ITPR1: variants seen among roughly 807,000 people sequenced by gnomAD.
The protein encoded by ITPR1 is inositol 1,4,5-trisphosphate-gated calcium channel ITPR1.
In ITPR1, 96 loss-of-function variants were observed where a neutral mutation model predicts 318.4. The observed-to-expected ratio is 0.30, with a 90% CI of 0.26 to 0.36. The LOEUF is 0.36. Ranked by LOEUF, ITPR1 falls within the 10% of genes least tolerant of loss-of-function variation. The pLI is 1.00. For missense variants in ITPR1, 2,440 were observed against 3,460.2 expected (o/e 0.71, Z 7.40); for synonymous variants, 1,312 against 1,289.9 (o/e 1.02, Z -0.37).
At chr3:4,711,982 AAAAG>A (rs528816144) in intron 39 of ITPR1, 114 bp downstream of exon 39, 149 of 526,186 alleles carry the variant, frequency 2.8e-4, no homozygotes, top group South Asian at 5.3e-4. Flanking sequence ...AGCTTTTTTT[AAAAG>A]AAAGAAAGAA....
chr3:4,796,085 C>T (rs1484049712), intron 53 of ITPR1, among the ~76,000 whole-genome samples: 1 of 152,172 alleles, frequency 6.6e-6, no homozygotes, highest in East Asian at 1.9e-4. Context: ...AGGCTCCACT[C>T]TTTAGCTTAA....
At chr3:4,828,164 C>T (rs531950340) in intron 60 of ITPR1, among the ~76,000 whole-genome samples, 1 of 152,152 alleles carries the variant, frequency 6.6e-6, no homozygotes, top group East Asian at 1.9e-4. Context: ...GAAACAACAG[C>T]ATAGAACTTT....
intron 23 of ITPR1, among the ~76,000 whole-genome samples, chr3:4,675,720 A>G (rs958243988): frequency 1.4e-4 from 22 of 152,330 alleles, no homozygotes; most frequent in East Asian, 3.9e-4. Flanking sequence ...GAGAAGGACA[A>G]TCTGCCTTTG....
intron 10 of ITPR1, among the ~76,000 whole-genome samples, chr3:4,651,237 C>G (rs1256390483): frequency 6.6e-6 from 1 of 152,228 alleles, no homozygotes; most frequent in Non-Finnish European, 1.5e-5. Context: ...TATGCATATG[C>G]AGTCTGATGT....
At chr3:4,711,234 A>AG (rs1377624827) in intron 38 of ITPR1, among the ~76,000 whole-genome samples, 3 of 150,078 alleles carry the variant, frequency 2.0e-5, no homozygotes, top group Admixed American at 6.6e-5. Flanking sequence ...AAAAAAAAAA[A>AG]AGAGATTTTT....
At chr3:4,669,885 G>A in intron 19 of ITPR1, 112 bp downstream of exon 19, 1 of 1,100,106 alleles carries the variant, frequency 9.1e-7, no homozygotes. Flanking sequence ...AAGTCAGTGT[G>A]GCTGGCATTT....
At chr3:4,746,461 G>A (rs568370862) in intron 44 of ITPR1, among the ~76,000 whole-genome samples, 6 of 152,314 alleles carry the variant, frequency 3.9e-5, no homozygotes, top group African/African-American at 1.4e-4. Flanking sequence ...CATGTGGGAC[G>A]TGCCCTCATT....
chr3:4,529,904 ATG>A (rs2083276148), intron 4 of ITPR1, among the ~76,000 whole-genome samples: 1 of 152,210 alleles, frequency 6.6e-6, no homozygotes, highest in Non-Finnish European at 1.5e-5. Flanking sequence ...GGAAACTGAC[ATG>A]TAAGATGTTT....
intron 44 of ITPR1, among the ~76,000 whole-genome samples, chr3:4,756,104 G>A (rs2044954651): frequency 6.6e-6 from 1 of 152,124 alleles, no homozygotes; most frequent in Non-Finnish European, 1.5e-5. Flanking sequence ...TCACTATTAG[G>A]CCCTTTTCAT....
rs3792505 is a variant in ITPR1, at chr3:4,772,850, G to C, written c.5980-2392G>C. Among the ~76,000 whole-genome samples the C allele has an allele frequency of 0.016, 2,439 of 152,344 alleles. 200 individuals are homozygous for C. In the East Asian group the frequency reaches 0.21, roughly 13 times the overall value. ...CTGAGTCTGGGACAGATTCTGTCCAGACACTCTGAAAGCCATGAGAGATGG... is the reference window on the plus strand; with the variant it reads ...CTGAGTCTGGGACAGATTCTGTCCACACACTCTGAAAGCCATGAGAGATGG... On this transcript the variant is annotated intron_variant, in intron 46 of 61. Coordinates refer to ENST00000649015, the MANE Select transcript of ITPR1 (RefSeq NM_001378452.1).
At chr3:4,645,328 C>A in intron 8 of ITPR1, 59 bp from the exon 9 acceptor site, 2 of 1,171,348 alleles carry the variant, frequency 1.7e-6, no homozygotes, top group Non-Finnish European at 1.3e-6. Flanking sequence ...AGTCTGGGGG[C>A]TGGATGACAC....
intron 4 of ITPR1, among the ~76,000 whole-genome samples, chr3:4,627,172 A>T (rs977241770): frequency 5.7e-5 from 6 of 105,586 alleles, no homozygotes; most frequent in South Asian, 2.5e-4. Flanking sequence ...GATTTGTATA[A>T]AAAAAAAAAT....
intron 4 of ITPR1, among the ~76,000 whole-genome samples, chr3:4,621,908 C>A (rs150146488): frequency 5.2e-4 from 79 of 152,282 alleles, no homozygotes; most frequent in African/African-American, 1.8e-3. Context: ...TTCCTGATGA[C>A]CCTGTAGAAA....
intron 6 of ITPR1, among the ~76,000 whole-genome samples, chr3:4,640,772 A>T (rs4073664): frequency 0.23 from 34,846 of 152,038 alleles, 5,706 homozygotes; most frequent in East Asian, 0.44. Flanking sequence ...CAGAATAAGC[A>T]GTGGATACAC....
At chr3:4,722,283 G>C (rs1391086376) in intron 40 of ITPR1, among the ~76,000 whole-genome samples, 1 of 152,206 alleles carries the variant, frequency 6.6e-6, no homozygotes, top group African/African-American at 2.4e-5. Context: ...TTCAAAACCA[G>C]AGCACATCAG....
chr3:4,831,127 T>TCACACACACACA (rs879186803), intron 60 of ITPR1: 50,053 of 315,814 alleles, frequency 0.16, 4,060 homozygotes, highest in East Asian at 0.27. Context: ...TCTCTCTCTC[T>TCACACACACACA]CTCTCACACA....
chr3:4,604,328 G>C (rs964580937), intron 4 of ITPR1, among the ~76,000 whole-genome samples: 1 of 152,148 alleles, frequency 6.6e-6, no homozygotes, highest in African/African-American at 2.4e-5. Flanking sequence ...AGGGAGGTCA[G>C]GTAGGCAGGA....
chr3:4,673,623 C>T (rs1374031662), intron 21 of ITPR1, among the ~76,000 whole-genome samples: 4 of 152,076 alleles, frequency 2.6e-5, no homozygotes, highest in African/African-American at 7.2e-5. Context: ...CACTCTGTTG[C>T]CCAGGCTGAA....
intron 4 of ITPR1, among the ~76,000 whole-genome samples, chr3:4,611,445 A>T (rs2092112515): frequency 6.6e-6 from 1 of 151,866 alleles, no homozygotes; most frequent in Non-Finnish European, 1.5e-5. Context: ...CTGTAATCCT[A>T]GCTACTTGGG....
Sources: gnomAD v4.1 joint callset for allele counts (sites outside exome capture counted in the v4.1 genomes callset) on GRCh38, gnomAD v4.1.1 for gene constraint, MANE v1.5 for transcripts, NCBI Gene and HGNC (gene_info 2026-07-23, HGNC 2026-07-21) for gene names.